ESCO1: variants seen among roughly 807,000 people sequenced by gnomAD.
ESCO1 encodes N-acetyltransferase ESCO1.
A neutral mutation model predicts 83.5 loss-of-function variants in ESCO1; 33 were observed. The ratio of observed to expected loss-of-function variants is 0.40; its 90% confidence interval spans 0.30 to 0.53. The LOEUF is 0.53. Ranked by LOEUF, ESCO1 falls within the 20% of genes least tolerant of loss-of-function variation. The pLI is 0.63. For missense variants in ESCO1, 855 were observed against 968.0 expected (o/e 0.88, Z 1.55); for synonymous variants, 332 against 324.3 (o/e 1.02, Z -0.25).
intron 7 of ESCO1, among the ~76,000 whole-genome samples, chr18:21,563,936 A>C (rs1347481695): frequency 3.5e-5 from 5 of 141,674 alleles, no homozygotes; most frequent in Admixed American, 2.1e-4. Flanking sequence ...AAAAAAAAAG[A>C]GTCTGGCTTC....
At chr18:21,554,419 C>T (rs2038086161) in intron 8 of ESCO1, among the ~76,000 whole-genome samples, 1 of 152,160 alleles carries the variant, frequency 6.6e-6, no homozygotes, top group South Asian at 2.1e-4. Context: ...TGTGAAACAT[C>T]CAGACAATGG....
intron 8 of ESCO1, among the ~76,000 whole-genome samples, chr18:21,553,436 T>C (rs2038070085): frequency 8.2e-6 from 1 of 121,346 alleles, no homozygotes; most frequent in Admixed American, 9.5e-5. Context: ...CAACACTCCA[T>C]TTCTATTTTT....
At chr18:21,585,479 T>C (rs891640237) in intron 1 of ESCO1, among the ~76,000 whole-genome samples, 5 of 152,158 alleles carry the variant, frequency 3.3e-5, no homozygotes, top group Non-Finnish European at 5.9e-5. Context: ...ATAAGATCCA[T>C]TGCCGTAAAT....
At position 21,530,360 on chromosome 18, in the gene ESCO1, C is replaced by T; in HGVS notation, c.2506G>A (p.Gly836Arg). Residue 836 changes from glycine to arginine, a missense_variant, in exon 12 of 12, where the codon GGA (glycine) becomes AGA (arginine). Transcript: ENST00000269214. ...GQFLVYNFIN[G>R]QNST Reference sequence around the variant, plus strand: ...AATTTGTTTTACGTGCTATTCTGTCCATTAATAAAATTATATACCAGAAAT... The same window carrying T: ...AATTTGTTTTACGTGCTATTCTGTCTATTAATAAAATTATATACCAGAAAT... 2 of 1,602,824 alleles carry T rather than the reference C, an allele frequency of 1.2e-6. No homozygotes were observed. Among genetic ancestry groups the T allele is most frequent in the Non-Finnish European group, 1.7e-6 (2 of 1,176,432 alleles).
In ESCO1 at chr18:21,574,722, G is replaced by T; in HGVS notation, c.122C>A (p.Pro41Gln). 6.2e-7 allele frequency: 1 copy of T among 1,611,966 alleles called. No homozygotes were observed. Reference sequence around the variant, plus strand: ...AGCCTGTGATTTTATAGTCTCCTTTGGACCTGATTTTTTTGCTAGATTCTT... The same window carrying T: ...AGCCTGTGATTTTATAGTCTCCTTTTGACCTGATTTTTTTGCTAGATTCTT... ...SQKNLAKKSG[P>Q]KETIKSQAKS... Residue 41 changes from proline to glutamine, a missense_variant, in exon 4 of 12, where the codon CCA becomes CAA. This residue lies in a region of ESCO1 where 726 missense variants were observed against 699.5 expected (regional missense o/e 1.04). Transcript: ENST00000269214.
At chr18:21,579,792 GCGCACACACACACACACACACACACACA>G (rs1435595793) in intron 2 of ESCO1, among the ~76,000 whole-genome samples, 3 of 135,068 alleles carry the variant, frequency 2.2e-5, no homozygotes, top group East Asian at 2.2e-4. Context: ...ACACGCGCGC[GCGCACACACACACACACACACACACACA>G]CACACACACA....
At chr18:21,533,249 A>G (rs2037790452) in intron 10 of ESCO1, among the ~76,000 whole-genome samples, 1 of 152,168 alleles carries the variant, frequency 6.6e-6, no homozygotes. Context: ...TAAAAAATAA[A>G]AAATATCTCT....
At chr18:21,595,983 A>G (rs1202625317) in intron 1 of ESCO1, among the ~76,000 whole-genome samples, 1 of 151,558 alleles carries the variant, frequency 6.6e-6, no homozygotes, top group African/African-American at 2.4e-5. Flanking sequence ...ATAAATAAAT[A>G]AATAAAATAA....
intron 8 of ESCO1, among the ~76,000 whole-genome samples, chr18:21,548,804 G>A (rs1454229391): frequency 6.6e-6 from 1 of 152,014 alleles, no homozygotes; most frequent in African/African-American, 2.4e-5. Flanking sequence ...GCTGGGCATG[G>A]TGACACATGC....
chr18:21,532,771 C>T (rs538400204), intron 10 of ESCO1, 111 bp from the exon 11 acceptor site: 5 of 957,658 alleles, frequency 5.2e-6, no homozygotes, highest in African/African-American at 4.9e-5. Flanking sequence ...AACTATGGGG[C>T]CACTTATGCT....
chr18:21,584,615 G>A (rs1598477185), intron 1 of ESCO1, among the ~76,000 whole-genome samples, 175 bp from the exon 2 acceptor site: 2 of 152,068 alleles, frequency 1.3e-5, no homozygotes, highest in East Asian at 3.9e-4. Flanking sequence ...GAGCCCAGGA[G>A]TTTGAGACCA....
At chr18:21,533,969 TCA>T (rs1394613366) in intron 10 of ESCO1, among the ~76,000 whole-genome samples, 2 of 152,210 alleles carry the variant, frequency 1.3e-5, no homozygotes, top group Admixed American at 6.5e-5. Flanking sequence ...CAGTGGCTAT[TCA>T]CAGACACAAA....
intron 5 of ESCO1, 104 bp from the exon 6 acceptor site, chr18:21,566,310 A>C (rs2038259519): frequency 1.0e-6 from 1 of 977,390 alleles, no homozygotes; most frequent in Admixed American, 2.4e-5. Flanking sequence ...TCAATGCATT[A>C]AATGACTTAT....
At chr18:21,563,509 G>A (rs1319386848) in intron 7 of ESCO1, among the ~76,000 whole-genome samples, 1 of 152,038 alleles carries the variant, frequency 6.6e-6, no homozygotes, top group South Asian at 2.1e-4. Flanking sequence ...CACCACGCCT[G>A]GCTAATTTTT....
rs149594416 is a variant in ESCO1 at position 21,541,922 on chromosome 18, T to C, written c.1954-1913A>G. On this transcript the variant is annotated intron_variant, in intron 8 of 11. Transcript: ENST00000269214. Reference sequence around the variant, plus strand: ...TTTGAAAACAGTAATACTGGTTTCATGTCATTATATTGCATTATAGACATT... The same window carrying C: ...TTTGAAAACAGTAATACTGGTTTCACGTCATTATATTGCATTATAGACATT... Among the ~76,000 whole-genome samples the C allele has an allele frequency of 7.2e-3, 1,104 of 152,318 alleles. 22 individuals are homozygous for C. Among genetic ancestry groups the C allele is most frequent in the African/African-American group, 0.025 (1,059 of 41,580 alleles).
chr18:21,600,540 G>A (rs1177487106), intron 1 of ESCO1, 83 bp downstream of exon 1: 1 of 152,452 alleles, frequency 6.6e-6, no homozygotes, highest in East Asian at 1.9e-4. Context: ...ACAGGAAGAG[G>A]GAGAACTGTC....
At chr18:21,569,322 G>C (rs1202375212) in intron 4 of ESCO1, among the ~76,000 whole-genome samples, 1 of 152,248 alleles carries the variant, frequency 6.6e-6, no homozygotes, top group Non-Finnish European at 1.5e-5. Flanking sequence ...TTCAGGCGGG[G>C]CGTGGTGGCT....
intron 1 of ESCO1, among the ~76,000 whole-genome samples, chr18:21,587,497 G>A (rs1409855044): frequency 1.3e-5 from 2 of 151,990 alleles, no homozygotes; most frequent in African/African-American, 4.8e-5. Flanking sequence ...ATTTTATCTA[G>A]GTTATCGAAA....
rs548274493 is a variant in ESCO1 at position 21,559,816 on chromosome 18, G to C, written c.1953+1043C>G. ...CCTTATATTTGGTGAAGTGGTAGGA[G>C]AGAGTGTGTGGAGAAGTCAGATGAA... On this transcript the variant is annotated intron_variant, in intron 8 of 11. Coordinates refer to ENST00000269214, the MANE Select transcript of ESCO1 (RefSeq NM_052911.3). 5.3e-5 allele frequency among the ~76,000 whole-genome samples: 8 copies of C among 152,300 alleles called. No individual in the cohort carries two copies. The South Asian group carries it at 1.4e-3, about 28-fold the overall frequency.
Sources: allele counts gnomAD v4.1 joint callset (sites outside exome capture counted in the v4.1 genomes callset), GRCh38; gene constraint gnomAD v4.1.1; regional missense constraint gnomAD v4.1.1; transcripts MANE v1.5; gene names NCBI Gene and HGNC (gene_info 2026-07-23, HGNC 2026-07-21).